The following ALX4 variants were observed in gnomAD, a reference collection of about 807,000 sequenced individuals.
ALX4 encodes the protein ALX homeobox 4, also known as homeobox protein aristaless-like 4.
In ALX4, 22 loss-of-function variants were observed where a neutral mutation model predicts 40.6. The ratio of observed to expected loss-of-function variants is 0.54; its 90% CI spans 0.39 to 0.77. ALX4 has a LOEUF of 0.77. ALX4 is among the 30% of genes least tolerant of loss of function. ALX4 has a pLI of 0.00. For missense variants in ALX4, 556 were observed against 564.8 expected (o/e 0.98, Z 0.16); for synonymous variants, 266 against 240.5 (o/e 1.11, Z -0.98).
At chr11:44,303,988 T>C (rs1450963636) in intron 1 of ALX4, among the ~76,000 whole-genome samples, 1 of 152,144 alleles carries the variant, frequency 6.6e-6, no homozygotes, top group Non-Finnish European at 1.5e-5. Flanking sequence ...GTAACTGATA[T>C]TAGAGAAGAC....
At chr11:44,273,869 A>C (rs1956262716) in intron 2 of ALX4, among the ~76,000 whole-genome samples, 1 of 152,134 alleles carries the variant, frequency 6.6e-6, no homozygotes, top group African/African-American at 2.4e-5. Context: ...GGGAGGATCC[A>C]TTGAGCCCAC....
intron 2 of ALX4, among the ~76,000 whole-genome samples, chr11:44,275,115 A>G (rs149375158): frequency 1.3e-5 from 2 of 151,802 alleles, no homozygotes; most frequent in African/African-American, 4.8e-5. Context: ...TTCCTTTGCA[A>G]CCCCCCACCA....
chr11:44,275,328 C>T lies in ALX4; in HGVS notation c.777+20G>A, dbSNP rs1295365573. 2 of 1,614,040 alleles carry T rather than the reference C, an allele frequency of 1.2e-6. No homozygotes were observed. The highest frequency in any genetic ancestry group is 1.1e-5 in the South Asian group (1 of 91,070). On this transcript the variant is annotated intron_variant, in intron 2 of 3. Coordinates refer to ENST00000652299, the MANE Select transcript of ALX4 (RefSeq NM_021926.4). ...CAGGCTCTGCTTTACCAGCCTCACT[C>T]CCAGGTGGCCCTCACTGACCTGCAC...
At chr11:44,294,541 T>C (rs975685264) in intron 1 of ALX4, among the ~76,000 whole-genome samples, 9 of 152,186 alleles carry the variant, frequency 5.9e-5, no homozygotes, top group Admixed American at 5.9e-4. Context: ...TGGGTGGCCT[T>C]TGTCCCTCCT....
intron 1 of ALX4, among the ~76,000 whole-genome samples, chr11:44,308,231 G>C (rs535491492): frequency 9.1e-4 from 139 of 152,328 alleles, no homozygotes; most frequent in African/African-American, 3.2e-3. Flanking sequence ...TTGTAGACAA[G>C]CATATGACTG....
At chr11:44,281,431 T>C (rs1956309677) in intron 1 of ALX4, among the ~76,000 whole-genome samples, 1 of 151,896 alleles carries the variant, frequency 6.6e-6, no homozygotes, top group Non-Finnish European at 1.5e-5. Flanking sequence ...CACAGGCCCA[T>C]GCATATGGCG....
At chr11:44,292,084 T>C (rs1275177370) in intron 1 of ALX4, among the ~76,000 whole-genome samples, 2 of 152,200 alleles carry the variant, frequency 1.3e-5, no homozygotes, top group Non-Finnish European at 2.9e-5. Flanking sequence ...CCCAAAGTGC[T>C]GGGATTACAG....
At chr11:44,300,169 G>A (rs1236408244) in intron 1 of ALX4, among the ~76,000 whole-genome samples, 5 of 152,316 alleles carry the variant, frequency 3.3e-5, no homozygotes, top group Admixed American at 3.3e-4. Flanking sequence ...ATGGGGAAGA[G>A]TGTGGGGTCC....
chr11:44,261,172 CT>C lies in ALX4; in HGVS notation c.*3681del, dbSNP rs1344082111. On this transcript the variant is annotated 3_prime_UTR_variant, in exon 4 of 4. Transcript: ENST00000652299. ...TCCTCCCCCAGCTAGGCCTGTTTGC[CT>C]TTGCACTGGACAGTAAGGGCCATGA... 5 of 152,234 alleles carry C rather than the reference CT, an allele frequency of 3.3e-5. No homozygotes were observed. The highest frequency in any genetic ancestry group is 1.2e-4 in the African/African-American group (5 of 41,454). 9.4% of individuals were successfully genotyped at this position (152,234 alleles called of 1,614,324 possible).
At chr11:44,276,663 G>A (rs1323646447) in intron 1 of ALX4, among the ~76,000 whole-genome samples, 1 of 152,188 alleles carries the variant, frequency 6.6e-6, no homozygotes, top group Admixed American at 6.5e-5. Context: ...TACCTTTTTG[G>A]CACCAGGGAC....
intron 2 of ALX4, among the ~76,000 whole-genome samples, chr11:44,270,164 T>G (rs1590688187): frequency 2.7e-5 from 4 of 147,482 alleles, no homozygotes; most frequent in African/African-American, 2.5e-5. Flanking sequence ...TGTGGGGGAG[T>G]GGAATGTGGG....
Position 44,309,945 on chromosome 11 carries a change from C to T in ALX4, c.118G>A (p.Gly40Ser), listed in dbSNP as rs1956497681. 3.1e-6 allele frequency: 5 copies of T among 1,594,118 alleles called. No homozygotes were observed. The highest frequency in any genetic ancestry group is 1.3e-5 in the African/African-American group (1 of 74,622). ...GSSPFRAFPG[G>S]DKFGTTFLSA... ...AGGAAAGTTGTGCCGAACTTGTCGC[C>T]TCCGGGAAATGCCCTAAAAGGCGAC... The change falls in exon 1 of 4, where the codon GGC becomes AGC. Residue 40 changes from glycine to serine, a missense_variant. Physicochemically the swap from Gly to Ser is moderately conservative, Grantham distance 56 (BLOSUM62 0). Coordinates refer to ENST00000652299, the MANE Select transcript of ALX4 (RefSeq NM_021926.4).
chr11:44,301,890 T>C (rs1375014003), intron 1 of ALX4, among the ~76,000 whole-genome samples: 1 of 152,216 alleles, frequency 6.6e-6, no homozygotes, highest in Non-Finnish European at 1.5e-5. Flanking sequence ...AGAGGGTATA[T>C]TCCAGAGCTG....
At chr11:44,278,360 G>A (rs1374124086) in intron 1 of ALX4, among the ~76,000 whole-genome samples, 4 of 152,162 alleles carry the variant, frequency 2.6e-5, no homozygotes, top group South Asian at 2.1e-4. Flanking sequence ...CCTCCCCTGC[G>A]GTCTTAGGCC....
chr11:44,275,245 G>T, intron 2 of ALX4, 103 bp downstream of exon 2: 2 of 1,214,818 alleles, frequency 1.6e-6, no homozygotes, highest in Non-Finnish European at 2.4e-6. Flanking sequence ...GGAAAGGAAA[G>T]CCATGGTGTG....
At chr11:44,308,065 A>G (rs1447688702) in intron 1 of ALX4, among the ~76,000 whole-genome samples, 2 of 152,090 alleles carry the variant, frequency 1.3e-5, no homozygotes, top group African/African-American at 2.4e-5. Flanking sequence ...GGAAGTGGGG[A>G]AGGGCCACTG....
chr11:44,267,817 G>A (rs747853203), intron 2 of ALX4, among the ~76,000 whole-genome samples, 195 bp from the exon 3 acceptor site: 1 of 152,164 alleles, frequency 6.6e-6, no homozygotes, highest in Non-Finnish European at 1.5e-5. Context: ...ACTCTGAGCT[G>A]GGAAGGTATC....
chr11:44,302,600 G>A (rs987693225), intron 1 of ALX4, among the ~76,000 whole-genome samples: 1 of 152,210 alleles, frequency 6.6e-6, no homozygotes, highest in African/African-American at 2.4e-5. Flanking sequence ...CTGGGATAGG[G>A]AAGATGAGTG....
intron 1 of ALX4, among the ~76,000 whole-genome samples, chr11:44,289,071 G>A (rs1463158169): frequency 6.6e-6 from 1 of 152,158 alleles, no homozygotes; most frequent in Non-Finnish European, 1.5e-5. Context: ...GGACAAGCAC[G>A]GTCAAGTGTT....
Sources: allele counts gnomAD v4.1 joint callset (sites outside exome capture counted in the v4.1 genomes callset), GRCh38; gene constraint gnomAD v4.1.1; transcripts MANE v1.5; gene names NCBI Gene and HGNC (gene_info 2026-07-23, HGNC 2026-07-21).